The following CFAP46 variants were observed in gnomAD, a reference collection of about 807,000 sequenced individuals.
The protein encoded by CFAP46 is cilia and flagella associated protein 46.
Under a neutral mutation model 325.7 loss-of-function variants are expected in CFAP46, and 245 were observed. The observed-to-expected ratio is 0.75, with a 90% CI of 0.68 to 0.84. The LOEUF is 0.84. Among genes scored for constraint, CFAP46 ranks in the 40% least tolerant of loss-of-function variants. The pLI is 0.00. For synonymous variants in CFAP46, 1,523 were observed against 1,495.9 expected (o/e 1.02, Z -0.42); for missense variants, 3,346 against 3,543.0 (o/e 0.94, Z 1.41).
At chr10:132,910,771 C>T (rs980194153) in intron 19 of CFAP46, among the ~76,000 whole-genome samples, 4 of 152,332 alleles carry the variant, frequency 2.6e-5, no homozygotes, top group Admixed American at 6.5e-5. Flanking sequence ...TACTGGGCAG[C>T]GTCCTTCCCT....
At position 132,942,547 on chromosome 10, in the gene CFAP46, C is replaced by G. The variant is rs558193420; in HGVS notation, c.-63G>C. 5 of 1,225,148 alleles carry G rather than the reference C, an allele frequency of 4.1e-6. No homozygotes were observed. Among genetic ancestry groups the G allele is most frequent in the Non-Finnish European group, 4.1e-6 (4 of 976,886 alleles). 75.9% of individuals were successfully genotyped at this position (1,225,148 alleles called of 1,614,324 possible). ...CGCGGTGCGTCCTGCCGCCCACTGT[C>G]GGTTGGGTTCTCCAGCCGCGAGGAC... is the stretch of plus-strand genomic sequence containing the variant. On this transcript the variant is annotated 5_prime_UTR_variant, in exon 1 of 58. Transcript: ENST00000368586.
intron 7 of CFAP46, among the ~76,000 whole-genome samples, chr10:132,935,547 ACCCAAACACACTGCGATCTTC>A (rs1217481119): frequency 1.9e-4 from 24 of 125,408 alleles, no homozygotes; most frequent in Middle Eastern, 6.6e-3. Flanking sequence ...TCCCCTCGGC[ACCCAAACACACTGCGATCTTC>A]TCATTCCCCT....
intron 11 of CFAP46, among the ~76,000 whole-genome samples, chr10:132,923,107 G>A (rs568032742): frequency 4.6e-5 from 7 of 152,348 alleles, no homozygotes; most frequent in South Asian, 2.1e-4. Context: ...AGGGCCGTGC[G>A]GAGCAGCCCA....
rs1487765309 is a variant in CFAP46, at chr10:132,884,428, A to G, written c.3627+675T>C. 6.6e-6 allele frequency among the ~76,000 whole-genome samples: 1 copy of G among 152,214 alleles called. No individual in the cohort carries two copies. Among genetic ancestry groups the G allele is most frequent in the Non-Finnish European group, 1.5e-5 (1 of 68,032 alleles). ...GGGCAGGATTGCTCTGAGCCGGAGA[A>G]ACAGCTCGTGTAACAGAAAAGCCTT... On this transcript the variant is annotated intron_variant, in intron 27 of 57. Coordinates refer to ENST00000368586, the MANE Select transcript of CFAP46 (RefSeq NM_001200049.3). This position sits in a 1 kb window ranked among gnomAD's most constrained non-coding sequence, Gnocchi z 5.4.
chr10:132,821,462 CTGA>C (rs1225257919), intron 50 of CFAP46, among the ~76,000 whole-genome samples: 130 of 109,542 alleles, frequency 1.2e-3, no homozygotes, highest in African/African-American at 4.2e-3. Context: ...GCTGTGTGTG[CTGA>C]TGTGTGTTGT....
At chr10:132,907,068 G>A (rs973876402) in intron 22 of CFAP46, among the ~76,000 whole-genome samples, 14 of 152,282 alleles carry the variant, frequency 9.2e-5, no homozygotes, top group South Asian at 4.1e-4. Flanking sequence ...GGGTGTGGCC[G>A]ACACAGGCCC....
chr10:132,885,968 G>A lies in CFAP46; in HGVS notation c.3305-9C>T, dbSNP rs1044806197. The A allele has an allele frequency of 3.9e-6, 6 of 1,549,064 alleles. No homozygotes were observed. The highest frequency in any genetic ancestry group is 5.2e-6 in the Non-Finnish European group (6 of 1,145,972). ...CAGGTCGTCCTCAGCCCCTGGGAGGGAGAAGGAGGGGTGTCCTTGGAGCCG... is the reference window on the plus strand; with the variant it reads ...CAGGTCGTCCTCAGCCCCTGGGAGGAAGAAGGAGGGGTGTCCTTGGAGCCG... On this transcript the variant is annotated splice_polypyrimidine_tract_variant and intron_variant, in intron 25 of 57. Transcript: ENST00000368586.
chr10:132,933,412 C>T (rs894298184), intron 8 of CFAP46, among the ~76,000 whole-genome samples: 3 of 152,238 alleles, frequency 2.0e-5, no homozygotes, highest in Admixed American at 6.5e-5. Flanking sequence ...GACCTCTCGT[C>T]GGAGCGCCTG....
At chr10:132,846,822 C>A in intron 43 of CFAP46, 110 bp downstream of exon 43, 1 of 1,353,862 alleles carries the variant, frequency 7.4e-7, no homozygotes, top group Non-Finnish European at 9.9e-7. Context: ...CCCTGGCCTG[C>A]GGCCTGCTTC....
At chr10:132,906,467 C>T (rs1038269400) in intron 22 of CFAP46, among the ~76,000 whole-genome samples, 5 of 151,392 alleles carry the variant, frequency 3.3e-5, no homozygotes, top group African/African-American at 7.3e-5. Context: ...CGTGATGCCC[C>T]GTCCTGGGCA....
intron 10 of CFAP46, 106 bp downstream of exon 10, chr10:132,926,462 A>T: frequency 1.2e-6 from 1 of 809,236 alleles, no homozygotes; most frequent in South Asian, 1.5e-5. Context: ...AGTGGGGTCC[A>T]GGCCATGTCC....
In CFAP46 at chr10:132,898,976, T is replaced by A. The variant is rs1471761516; in HGVS notation, c.3202A>T (p.Thr1068Ser). 1 of 1,550,522 alleles carries A rather than the reference T, an allele frequency of 6.4e-7. No homozygotes were observed. ...TGGTGCACCTGCTTTCTGGCCTCTG[T>A]CTTGTTGATGATGCCGATGAGCCTC... ...LKRLIGIINK[T>S]EARKQEKGKT... The change falls in exon 24 of 58, where the codon ACA becomes TCA. Residue 1068 changes from threonine to serine, a missense_variant. Physicochemically the swap from Thr to Ser is moderately conservative, Grantham distance 58 (BLOSUM62 1). Coordinates refer to ENST00000368586, the MANE Select transcript of CFAP46 (RefSeq NM_001200049.3).
At chr10:132,822,105 G>A (rs1847859639) in intron 50 of CFAP46, among the ~76,000 whole-genome samples, 1 of 146,200 alleles carries the variant, frequency 6.8e-6, no homozygotes, top group African/African-American at 2.6e-5. Flanking sequence ...TGTGAGTGCT[G>A]ATGTGTGCTG....
intron 45 of CFAP46, 146 bp from the exon 46 acceptor site, chr10:132,836,364 C>G: frequency 1.4e-6 from 1 of 714,810 alleles, no homozygotes; most frequent in South Asian, 1.6e-5. Context: ...TGTGCGCCTC[C>G]AGGGGCACCG....
rs1850102977 is a variant in CFAP46, at chr10:132,941,615, A to C, written c.282T>G (p.Cys94Trp). The change falls in exon 3 of 58, where the codon TGT (cysteine) becomes TGG (tryptophan). Residue 94 changes from cysteine to tryptophan, a missense_variant. Physicochemically the swap from Cys to Trp is radical, Grantham distance 215 (BLOSUM62 -2). Coordinates refer to ENST00000368586, the MANE Select transcript of CFAP46 (RefSeq NM_001200049.3). ...CCAGGTTTTCTGCCGACTTCGGGGC[A>C]CACATCTGGGCCCTGCACAGGTGCG... ...GRAHLCRAQM[C>W]APKSAENLEE... The C allele has an allele frequency of 6.2e-7, 1 of 1,613,432 alleles. No individual in the cohort carries two copies. Among genetic ancestry groups the C allele is most frequent in the African/African-American group, 1.3e-5 (1 of 74,914 alleles).
chr10:132,940,654 T>G (rs190512902), intron 4 of CFAP46, among the ~76,000 whole-genome samples: 4 of 152,134 alleles, frequency 2.6e-5, no homozygotes, highest in African/African-American at 7.2e-5. Context: ...CTGGGCTCAC[T>G]GCAACCTCCG....
intron 44 of CFAP46, among the ~76,000 whole-genome samples, chr10:132,838,719 A>C (rs1200257095): frequency 1.3e-5 from 2 of 152,240 alleles, no homozygotes; most frequent in African/African-American, 2.4e-5. Context: ...GACCCCAGCG[A>C]AGGATTTCTA....
intron 27 of CFAP46, among the ~76,000 whole-genome samples, chr10:132,882,934 G>A (rs142762093): frequency 6.6e-6 from 1 of 152,142 alleles, no homozygotes; most frequent in Non-Finnish European, 1.5e-5. Flanking sequence ...TGCGGGGCCA[G>A]CTGGCATCCA....
chr10:132,829,307 T>G (rs1296036606), intron 50 of CFAP46, among the ~76,000 whole-genome samples: 1 of 152,254 alleles, frequency 6.6e-6, no homozygotes, highest in Non-Finnish European at 1.5e-5. Context: ...AATTATTTCC[T>G]GGCTTGGAAG....
Sources: allele counts gnomAD v4.1 joint callset (sites outside exome capture counted in the v4.1 genomes callset), GRCh38; gene constraint gnomAD v4.1.1; non-coding constraint Gnocchi (gnomAD v3.1); transcripts MANE v1.5; gene names NCBI Gene and HGNC (gene_info 2026-07-23, HGNC 2026-07-21).